Variants in PTPRN2 observed in about 807,000 individuals in gnomAD.
PTPRN2 encodes the protein protein tyrosine phosphatase receptor type N2, also known as receptor-type tyrosine-protein phosphatase N2.
PTPRN2 carries 74 observed loss-of-function variants against 118.8 expected under a neutral mutation model. That is an observed-to-expected ratio of 0.62 (90% CI 0.52 to 0.76). PTPRN2 has a LOEUF of 0.76. PTPRN2 is among the 30% of genes least tolerant of loss of function. The probability of loss-of-function intolerance (pLI) is 0.00; values close to 1 mark genes in which losing one functional copy is unlikely to be tolerated. For synonymous variants in PTPRN2, 641 were observed against 608.0 expected (o/e 1.05, Z -0.80); for missense variants, 1,481 against 1,394.4 (o/e 1.06, Z -0.99).
At chr7:158,119,357 G>A (rs189827091) in intron 9 of PTPRN2, among the ~76,000 whole-genome samples, 70 of 152,194 alleles carry the variant, frequency 4.6e-4, no homozygotes, top group Admixed American at 7.9e-4. Context: ...GCCACTGTAA[G>A]AAGAAAAAAA....
At chr7:158,397,887 C>A (rs568254145) in intron 2 of PTPRN2, among the ~76,000 whole-genome samples, 18 of 144,450 alleles carry the variant, frequency 1.2e-4, no homozygotes, top group African/African-American at 4.5e-4. Context: ...CTGACAGTAA[C>A]AATCAAACAG....
At position 157,977,620 on chromosome 7, in the gene PTPRN2, G is replaced by C. The variant is rs1014307014; in HGVS notation, c.1724-78883C>G. Among the ~76,000 whole-genome samples, 1 of 151,462 alleles carries C rather than the reference G, an allele frequency of 6.6e-6. No individual in the cohort carries two copies. Among genetic ancestry groups the C allele is most frequent in the African/African-American group, 2.4e-5 (1 of 41,294 alleles). On this transcript the variant is annotated intron_variant, in intron 11 of 22. Transcript: ENST00000389418. This position sits in a 1 kb window ranked among gnomAD's most constrained non-coding sequence, Gnocchi z 4.6. ...GTGGGATGACGTGAGTGTGTTCATG[G>C]AGTAGTGTACAAGGCCCCAGGTGGG...
chr7:157,954,698 C>A (rs897254470), intron 11 of PTPRN2, among the ~76,000 whole-genome samples: 1 of 152,106 alleles, frequency 6.6e-6, no homozygotes, highest in Admixed American at 6.5e-5. Flanking sequence ...AGCGAGGCCC[C>A]GCCTCCCTGC....
chr7:158,146,594 G>A (rs1233751891), intron 6 of PTPRN2, among the ~76,000 whole-genome samples: 3 of 150,628 alleles, frequency 2.0e-5, no homozygotes, highest in South Asian at 2.1e-4. Context: ...GGTGGCGGGC[G>A]CCTGTAGTCC....
intron 1 of PTPRN2, among the ~76,000 whole-genome samples, chr7:158,572,995 AGTT>A (rs1264309815): frequency 2.6e-5 from 4 of 152,262 alleles, no homozygotes; most frequent in African/African-American, 7.2e-5. Flanking sequence ...GCTGAGGAAT[AGTT>A]GTTAATTCAT....
intron 6 of PTPRN2, among the ~76,000 whole-genome samples, chr7:158,164,226 G>A (rs1355051998): frequency 1.3e-5 from 2 of 152,042 alleles, no homozygotes; most frequent in Non-Finnish European, 2.9e-5. Flanking sequence ...GGAGCGCGCA[G>A]GAAGGGCTCG....
intron 12 of PTPRN2, among the ~76,000 whole-genome samples, chr7:157,811,142 G>C (rs1023266502): frequency 2.0e-5 from 3 of 151,346 alleles, no homozygotes; most frequent in South Asian, 2.1e-4. Flanking sequence ...GTGGTGGCGG[G>C]CACCTGTAGT....
At chr7:157,682,611 A>G in intron 13 of PTPRN2, 114 bp downstream of exon 13, 1 of 1,127,292 alleles carries the variant, frequency 8.9e-7, no homozygotes, top group South Asian at 1.3e-5. Flanking sequence ...AAGACCCCAA[A>G]CTATGATACA....
chr7:157,774,586 A>G (rs1167777776), intron 12 of PTPRN2, among the ~76,000 whole-genome samples: 2 of 152,234 alleles, frequency 1.3e-5, no homozygotes, highest in Admixed American at 6.5e-5. Context: ...TCATGTGCAC[A>G]AGACAGTGTG....
Position 157,560,417 on chromosome 7 carries a change from G to A in PTPRN2, c.2902+8485C>T, listed in dbSNP as rs539689947. Among the ~76,000 whole-genome samples the A allele has an allele frequency of 1.3e-5, 2 of 152,232 alleles. No individual in the cohort carries two copies. Among genetic ancestry groups the A allele is most frequent in the East Asian group, 1.9e-4 (1 of 5,164 alleles). On this transcript the variant is annotated intron_variant, in intron 21 of 22. Coordinates refer to ENST00000389418, the MANE Select transcript of PTPRN2 (RefSeq NM_002847.5). The surrounding 1 kb of genome is among the most constrained non-coding windows in gnomAD (Gnocchi z 6.7). ...TGCTGTCCACACGCTCCCACCAGGCGATCGACACCAGGGTCCGCCTGTGCC... is the reference window on the plus strand; with the variant it reads ...TGCTGTCCACACGCTCCCACCAGGCAATCGACACCAGGGTCCGCCTGTGCC...
At chr7:157,737,881 C>CG (rs1357918769) in intron 12 of PTPRN2, among the ~76,000 whole-genome samples, 1 of 152,158 alleles carries the variant, frequency 6.6e-6, no homozygotes, top group African/African-American at 2.4e-5. Context: ...GGTGTCTGGG[C>CG]GGGGGAGGAG....
intron 12 of PTPRN2, among the ~76,000 whole-genome samples, chr7:157,843,029 G>A (rs1418591340): frequency 1.3e-5 from 2 of 152,216 alleles, no homozygotes; most frequent in African/African-American, 4.8e-5. Context: ...CGTTATGACA[G>A]TGAAAACCAC....
At chr7:158,179,103 C>G (rs771829741) in intron 5 of PTPRN2, among the ~76,000 whole-genome samples, 1 of 152,202 alleles carries the variant, frequency 6.6e-6, no homozygotes, top group African/African-American at 2.4e-5. Flanking sequence ...AGATGTTGTA[C>G]TAATTTACAT....
intron 6 of PTPRN2, among the ~76,000 whole-genome samples, chr7:158,156,339 G>C (rs1229457655): frequency 6.6e-6 from 1 of 152,200 alleles, no homozygotes; most frequent in African/African-American, 2.4e-5. Context: ...TCTAAAGACT[G>C]CTTCCTTTAG....
At chr7:157,947,100 G>A (rs1035310749) in intron 11 of PTPRN2, among the ~76,000 whole-genome samples, 1 of 152,192 alleles carries the variant, frequency 6.6e-6, no homozygotes, top group Non-Finnish European at 1.5e-5. Context: ...GAGCTGCCCT[G>A]CAGAGCTGAA....
intron 2 of PTPRN2, among the ~76,000 whole-genome samples, chr7:158,387,295 A>G (rs1195158973): frequency 6.6e-6 from 1 of 152,164 alleles, no homozygotes; most frequent in East Asian, 1.9e-4. Context: ...TCACATAGAC[A>G]CTGAAATCAC....
At chr7:158,489,527 C>T (rs928471466) in intron 2 of PTPRN2, among the ~76,000 whole-genome samples, 7 of 152,216 alleles carry the variant, frequency 4.6e-5, no homozygotes, top group Non-Finnish European at 1.0e-4. Flanking sequence ...TTGGTGCGAG[C>T]GATGGGCGCC....
chr7:158,291,688 A>G (rs1800128473), intron 3 of PTPRN2, among the ~76,000 whole-genome samples: 1 of 152,236 alleles, frequency 6.6e-6, no homozygotes, highest in African/African-American at 2.4e-5. Context: ...GGCTGAATAC[A>G]GTGTTAAATG....
intron 11 of PTPRN2, among the ~76,000 whole-genome samples, chr7:158,033,334 TAA>T (rs1009819215): frequency 6.6e-6 from 1 of 152,218 alleles, no homozygotes; most frequent in African/African-American, 2.4e-5. Context: ...GCTGGAATGA[TAA>T]GTCGTTTTAG....
Sources: gnomAD v4.1 joint callset for allele counts (sites outside exome capture counted in the v4.1 genomes callset) on GRCh38, gnomAD v4.1.1 for gene constraint, Gnocchi (gnomAD v3.1) non-coding constraint, MANE v1.5 for transcripts, NCBI Gene and HGNC (gene_info 2026-07-23, HGNC 2026-07-21) for gene names.